The following CPLANE1 variants were observed in gnomAD, a reference collection of about 807,000 sequenced individuals.
CPLANE1 encodes the protein ciliogenesis and planar polarity effector 1.
In CPLANE1, 263 loss-of-function variants were observed where a neutral mutation model predicts 362.5. The ratio of observed to expected loss-of-function variants is 0.73; its 90% CI spans 0.66 to 0.80. The LOEUF (loss-of-function observed/expected upper bound fraction) is 0.80, where lower values mean the gene tolerates loss of function less well. CPLANE1 is among the 30% of genes least tolerant of loss of function. The probability of loss-of-function intolerance (pLI) is 0.00; values close to 1 mark genes in which losing one functional copy is unlikely to be tolerated. For synonymous variants in CPLANE1, 1,212 were observed against 1,302.6 expected, an observed-to-expected ratio of 0.93 and a Z score of 1.50; for missense variants, 3,461 against 3,793.4, an observed-to-expected ratio of 0.91 and a Z score of 2.30.
At chr5:37,114,424 C>T (rs1760291766) in intron 51 of CPLANE1, among the ~76,000 whole-genome samples, 1 of 152,004 alleles carries the variant, frequency 6.6e-6, no homozygotes, top group East Asian at 1.9e-4. Context: ...TTGTATTTTC[C>T]AGGTGAGAAA....
At chr5:37,242,115 G>A (rs1161349365) in intron 6 of CPLANE1, among the ~76,000 whole-genome samples, 2 of 152,042 alleles carry the variant, frequency 1.3e-5, no homozygotes, top group African/African-American at 2.4e-5. Flanking sequence ...CAGCACTTTG[G>A]GAGGCTGAGG....
intron 15 of CPLANE1, among the ~76,000 whole-genome samples, chr5:37,214,512 A>G (rs528062790): frequency 1.3e-5 from 2 of 152,340 alleles, no homozygotes; most frequent in African/African-American, 4.8e-5. Flanking sequence ...ACAAACACTT[A>G]CAGGCCATAT....
chr5:37,085,657 G>C, the CPLANE1 span: 1 of 1,053,540 alleles, frequency 9.5e-7, no homozygotes, highest in Non-Finnish European at 1.5e-6. Flanking sequence ...CCAACAGAGA[G>C]AGGCACCCTG....
chr5:37,211,416 A>G lies in CPLANE1; in HGVS notation c.2920+2143T>C, dbSNP rs188699268. On this transcript the variant is annotated intron_variant, in intron 16 of 52. Coordinates refer to ENST00000651892, the MANE Select transcript of CPLANE1 (RefSeq NM_001384732.1). ...GGAAGCCTTCAAAAACATTACTTCC[A>G]GTTCCCCGGAAAGACGTATTTTTGC... The G allele has an allele frequency of 4.2e-4, 630 of 1,515,080 alleles. 1 individual carries two copies. The African/African-American group carries it at 7.9e-3, about 19-fold the overall frequency. The allele number at this position is 1,515,080 out of a possible 1,614,324, so 93.9% of individuals were successfully genotyped here. A position where few individuals can be genotyped will look rare whatever the true frequency, so the allele number is the denominator to read the frequency against.
chr5:37,180,342 G>A (rs1220506436), intron 27 of CPLANE1, among the ~76,000 whole-genome samples, 159 bp from the exon 28 acceptor site: 1 of 151,198 alleles, frequency 6.6e-6, no homozygotes, highest in Non-Finnish European at 1.5e-5. Flanking sequence ...TAAAAGCAAA[G>A]AACAAACTTT....
chr5:37,159,180 C>CG (rs1394602246), intron 38 of CPLANE1, among the ~76,000 whole-genome samples: 5 of 135,460 alleles, frequency 3.7e-5, no homozygotes, highest in Admixed American at 8.1e-5. Context: ...GGCGCAATCT[C>CG]GGCTCACTGC....
rs1031739230 is a variant in CPLANE1 at position 37,240,260 on chromosome 5, G to C, written c.678-391C>G. On this transcript the variant is annotated intron_variant, in intron 6 of 52. Transcript: ENST00000651892. The stretch of plus-strand genomic sequence containing the variant: ...AGCTATTCGGGAGGCTGAGGCAGGA[G>C]AATTGCTTGAACCCGGGAGGCGGAG... 2.6e-5 allele frequency among the ~76,000 whole-genome samples: 4 copies of C among 152,170 alleles called. No homozygotes were observed. In the East Asian group the frequency reaches 7.7e-4, roughly 29 times the overall value.
the CPLANE1 span, among the ~76,000 whole-genome samples, chr5:37,080,685 G>T: frequency 1.3e-5 from 2 of 152,190 alleles, no homozygotes; most frequent in Non-Finnish European, 2.9e-5. Context: ...AAGCTAAGAA[G>T]TGCTGAAGGA....
intron 42 of CPLANE1, 103 bp downstream of exon 42, chr5:37,153,637 C>CA: frequency 2.4e-6 from 3 of 1,233,516 alleles, no homozygotes; most frequent in Non-Finnish European, 3.4e-6. Flanking sequence ...TTAAAGAAAA[C>CA]AAAGTTCTCA....
intron 46 of CPLANE1, among the ~76,000 whole-genome samples, chr5:37,128,650 G>A (rs1013482669): frequency 3.3e-5 from 5 of 152,108 alleles, no homozygotes; most frequent in African/African-American, 9.7e-5. Flanking sequence ...CCTGAGGTCA[G>A]GAGCTCAAGA....
Position 37,165,652 on chromosome 5 carries a change from T to A in CPLANE1, c.7420A>T (p.Lys2474Ter). 1 of 1,609,088 alleles carries A rather than the reference T, an allele frequency of 6.2e-7. No individual in the cohort carries two copies. The highest frequency in any genetic ancestry group is 1.7e-4 in the Middle Eastern group (1 of 6,050). The change falls in exon 36 of 53, where the codon AAA becomes TAA. Residue 2474 changes from lysine (K) to a stop codon, truncating the protein, a stop_gained. Coordinates refer to ENST00000651892, the MANE Select transcript of CPLANE1 (RefSeq NM_001384732.1). LOFTEE classifies it high-confidence loss of function. ...TCACATCTTTTTTCTTGCAGCTCTTTCTCAGCTCTTCTTCTTTGCCTGTTA... is the reference window on the plus strand; with the variant it reads ...TCACATCTTTTTTCTTGCAGCTCTTACTCAGCTCTTCTTCTTTGCCTGTTA... ...SKKRQRRRAE[K>*]ELQEKRCEKL...
intron 16 of CPLANE1, chr5:37,211,020 C>T: frequency 1.3e-6 from 1 of 799,832 alleles, no homozygotes; most frequent in Non-Finnish European, 2.3e-6. Flanking sequence ...TCAGACAGCC[C>T]TAGAGAATGA....
At chr5:37,211,195 A>T (rs1374375302) in intron 16 of CPLANE1, 10 of 1,407,634 alleles carry the variant, frequency 7.1e-6, no homozygotes, top group Non-Finnish European at 9.1e-6. Flanking sequence ...ATCACAAATT[A>T]TCCAAATGCA....
rs773044118 is a variant in CPLANE1 at position 37,201,579 on chromosome 5, C to T, written c.3507+12G>A. The T allele has an allele frequency of 2.5e-6, 4 of 1,593,014 alleles. No homozygotes were observed. The South Asian group carries it at 4.5e-5, about 18-fold the overall frequency. On this transcript the variant is annotated intron_variant, in intron 19 of 52. Transcript: ENST00000651892. ...CTTTAAATTAATTTAAAAGTTAATG[C>T]TATAAGCTTACTTCACTAAGAATAG...
At position 37,175,806 on chromosome 5, in the gene CPLANE1, A is replaced by G. The variant is rs542704643; in HGVS notation, c.5978+103T>C. On this transcript the variant is annotated intron_variant, in intron 31 of 52. Transcript: ENST00000651892. ...TTTCATTTTTCTTAGTTTTTAGTCAAAATGTAGCAATTGTTTCAAAAATGG... is the reference window on the plus strand; with the variant it reads ...TTTCATTTTTCTTAGTTTTTAGTCAGAATGTAGCAATTGTTTCAAAAATGG... The G allele has an allele frequency of 3.8e-5, 29 of 766,048 alleles. No individual in the cohort carries two copies. The African/African-American group carries it at 5.1e-4, about 13-fold the overall frequency. The allele number at this position is 766,048 out of a possible 1,614,324, so 47.5% of individuals were successfully genotyped here.
In CPLANE1 at chr5:37,244,563, T is replaced by C. The variant is rs1204623947; in HGVS notation, c.382A>G (p.Arg128Gly). ...CCAGAAGGTGTTATGAGCACAATTC[T>C]TTTCCCATTTCCAGATACATACAAG... ...LYLYVSGNGK[R>G]IVLITPSGCI... Residue 128 changes from arginine to glycine, a missense_variant, in exon 5 of 53, where the codon AGA becomes GGA. This residue lies in a region of CPLANE1 where 3,380 missense variants were observed against 3,666.1 expected (regional missense o/e 0.92). Coordinates refer to ENST00000651892, the MANE Select transcript of CPLANE1 (RefSeq NM_001384732.1). 6.4e-7 allele frequency: 1 copy of C among 1,551,274 alleles called. No individual in the cohort carries two copies. The highest frequency in any genetic ancestry group is 8.7e-7 in the Non-Finnish European group (1 of 1,146,866).
chr5:37,138,950 A>G, intron 45 of CPLANE1, 102 bp from the exon 46 acceptor site: 2 of 1,003,638 alleles, frequency 2.0e-6, no homozygotes, highest in Admixed American at 2.5e-5. Context: ...AATGATAAAC[A>G]TATATCTACT....
chr5:37,216,126 C>G (rs1282338320), intron 15 of CPLANE1, among the ~76,000 whole-genome samples: 1 of 152,142 alleles, frequency 6.6e-6, no homozygotes, highest in Non-Finnish European at 1.5e-5. Context: ...TGTGAGCCAC[C>G]ATGACCACCC....
chr5:37,227,451 A>C (rs1796695484), intron 10 of CPLANE1, 59 bp from the exon 11 acceptor site: 1 of 1,487,474 alleles, frequency 6.7e-7, no homozygotes, highest in Middle Eastern at 1.8e-4. Flanking sequence ...ATTCTATTAT[A>C]AGCAATTAAA....
Sources: allele counts gnomAD v4.1 joint callset (sites outside exome capture counted in the v4.1 genomes callset), GRCh38; gene constraint gnomAD v4.1.1; regional missense constraint gnomAD v4.1.1; transcripts MANE v1.5; gene names NCBI Gene and HGNC (gene_info 2026-07-23, HGNC 2026-07-21).